The following GLB1 variants were observed in gnomAD, a reference collection of about 807,000 sequenced individuals.
GLB1 encodes the protein galactosidase beta 1.
In GLB1, 56 loss-of-function variants were observed where a neutral mutation model predicts 74.0. The ratio of observed to expected loss-of-function variants is 0.76; its 90% CI spans 0.61 to 0.94. GLB1 has a LOEUF of 0.94. Ranked by LOEUF, GLB1 falls within the 40% of genes least tolerant of loss-of-function variation. The pLI is 0.00. For synonymous variants in GLB1, 323 were observed against 323.6 expected (o/e 1.00, Z 0.02); for missense variants, 787 against 845.5 (o/e 0.93, Z 0.86).
chr3:33,072,224 G>A (rs1344081587), intron 2 of GLB1, among the ~76,000 whole-genome samples: 1 of 152,056 alleles, frequency 6.6e-6, no homozygotes, highest in African/African-American at 2.4e-5. Context: ...TACCTATCTC[G>A]AGGAAATGGA....
chr3:33,050,291 C>G (rs1698921078), intron 9 of GLB1, among the ~76,000 whole-genome samples: 1 of 152,186 alleles, frequency 6.6e-6, no homozygotes, highest in African/African-American at 2.4e-5. Flanking sequence ...CGTTCCACTT[C>G]TTGGTATACA....
intron 1 of GLB1, chr3:33,077,402 A>G: frequency 9.4e-7 from 1 of 1,068,696 alleles, no homozygotes; most frequent in Admixed American, 1.8e-5. Context: ...CAGGCAACCA[A>G]TCAATGAAAG....
intron 15 of GLB1, among the ~76,000 whole-genome samples, chr3:33,003,731 A>C (rs1696672749): frequency 6.6e-6 from 1 of 152,230 alleles, no homozygotes; most frequent in Admixed American, 6.5e-5. Context: ...GGGTCCCTCT[A>C]TCAAGAAGTA....
At chr3:33,021,393 C>T (rs1697474187) in intron 12 of GLB1, 173 bp downstream of exon 12, 1 of 749,648 alleles carries the variant, frequency 1.3e-6, no homozygotes, top group Non-Finnish European at 2.2e-6. Flanking sequence ...ATCAGCCCAC[C>T]ACGCAGCACT....
Position 33,093,800 on chromosome 3 carries a change from G to A in GLB1, c.75+3211C>T. ...CCTGCTCCATGCCGCTGAGGATGAA[G>A]AGGAAGAAGAGCATGATGATGTAAG... On this transcript the variant is annotated intron_variant, in intron 1 of 15. Transcript: ENST00000307363. This position sits in a 1 kb window ranked among gnomAD's most constrained non-coding sequence, Gnocchi z 6.0. 16 of 1,613,594 alleles carry A rather than the reference G, an allele frequency of 9.9e-6. No individual in the cohort carries two copies. The highest frequency in any genetic ancestry group is 1.4e-5 in the Non-Finnish European group (16 of 1,179,742).
At chr3:32,975,225 G>A in the GLB1 span, among the ~76,000 whole-genome samples, 1 of 152,012 alleles carries the variant, frequency 6.6e-6, no homozygotes, top group African/African-American at 2.4e-5. Context: ...GAGACTACAG[G>A]CATACACTAC....
At chr3:32,985,306 T>C in the GLB1 span, among the ~76,000 whole-genome samples, 18 of 152,126 alleles carry the variant, frequency 1.2e-4, no homozygotes, top group Admixed American at 3.9e-4. Context: ...ATTATTATTT[T>C]TTGAGATGGA....
At chr3:33,091,786 C>T (rs1325447319) in intron 1 of GLB1, 11 of 985,318 alleles carry the variant, frequency 1.1e-5, no homozygotes, top group Non-Finnish European at 1.3e-5. Context: ...GAAGACTTTC[C>T]ATCACAAGCC....
chr3:33,094,306 GC>G (rs1263078988), intron 1 of GLB1: 32 of 1,489,502 alleles, frequency 2.1e-5, no homozygotes. Context: ...AACTCCGCCT[GC>G]AACCAGGAAC....
At chr3:33,068,075 C>A (rs1337571379) in intron 4 of GLB1, among the ~76,000 whole-genome samples, 155 bp downstream of exon 4, 1 of 152,042 alleles carries the variant, frequency 6.6e-6, no homozygotes, top group South Asian at 2.1e-4. Flanking sequence ...TTAGTAGGGG[C>A]GAGGTTTTGC....
At chr3:33,096,666 C>G (rs1156486958) in intron 1 of GLB1, 1 of 1,129,988 alleles carries the variant, frequency 8.8e-7, no homozygotes, top group African/African-American at 1.7e-5. Context: ...CTCTAACCCG[C>G]GCAACTTGGA....
In GLB1 at chr3:33,080,156, T is replaced by A. The variant is rs558822732; in HGVS notation, c.76-7443A>T. 5.4e-3 allele frequency among the ~76,000 whole-genome samples: 819 copies of A among 151,678 alleles called. 2 individuals are homozygous for A. The highest frequency in any genetic ancestry group is 0.01 in the Non-Finnish European group (686 of 67,910). ...TTCACTCTTGTGGCCCAGGCTGGAG[T>A]GCAATGGCACAGTCTCAGCTCACTG... On this transcript the variant is annotated intron_variant, in intron 1 of 15. Coordinates refer to ENST00000307363, the MANE Select transcript of GLB1 (RefSeq NM_000404.4).
rs766561999 is a variant in GLB1, at chr3:33,001,085, T to G, written c.1735-3741A>C. Among the ~76,000 whole-genome samples, 48 of 151,448 alleles carry G rather than the reference T, an allele frequency of 3.2e-4. 2 individuals carry two copies. Among genetic ancestry groups the G allele is most frequent in the Admixed American group, 2.8e-3 (43 of 15,192 alleles). On this transcript the variant is annotated intron_variant, in intron 15 of 15. Transcript: ENST00000307363. ...TCCTTGTGTCTGCCGCACTCCCCCTTGCTCACTCCACTCTCCACTACTTCT... is the reference window on the plus strand; with the variant it reads ...TCCTTGTGTCTGCCGCACTCCCCCTGGCTCACTCCACTCTCCACTACTTCT...
chr3:33,012,859 G>A (rs756234419), intron 15 of GLB1, among the ~76,000 whole-genome samples: 32 of 152,214 alleles, frequency 2.1e-4, no homozygotes, highest in Middle Eastern at 3.4e-3. Context: ...TCAAATAGTT[G>A]ATGTCATCTC....
chr3:33,021,535 A>G (rs1697483726), intron 12 of GLB1, 31 bp downstream of exon 12: 1 of 1,607,934 alleles, frequency 6.2e-7, no homozygotes, highest in Admixed American at 1.7e-5. Context: ...GCAAGTAGAA[A>G]AAAGGCGAGG....
downstream of GLB1, among the ~76,000 whole-genome samples, chr3:32,993,522 A>ATT (rs746774682): frequency 0.1 from 6,406 of 62,350 alleles, 1,448 homozygotes; most frequent in South Asian, 0.16. Flanking sequence ...CATCCAGCTA[A>ATT]TTTTTTTTTT....
At chr3:32,967,423 C>G in the GLB1 span, among the ~76,000 whole-genome samples, 3 of 152,256 alleles carry the variant, frequency 2.0e-5, no homozygotes, top group South Asian at 4.1e-4. Context: ...AAAAATTAGT[C>G]AGGCATGGTG....
chr3:33,081,121 C>T (rs1324525733), intron 1 of GLB1, among the ~76,000 whole-genome samples: 1 of 152,154 alleles, frequency 6.6e-6, no homozygotes, highest in Non-Finnish European at 1.5e-5. Flanking sequence ...GATTTGGAAG[C>T]TTTGAAGACA....
chr3:33,033,265 G>A (rs1476541961), intron 10 of GLB1, among the ~76,000 whole-genome samples: 3 of 152,184 alleles, frequency 2.0e-5, no homozygotes, highest in African/African-American at 4.8e-5. Context: ...AAAAATTATA[G>A]CTCATATATG....
Sources: gnomAD v4.1 joint callset for allele counts (sites outside exome capture counted in the v4.1 genomes callset) on GRCh38, gnomAD v4.1.1 for gene constraint, Gnocchi (gnomAD v3.1) non-coding constraint, MANE v1.5 for transcripts, NCBI Gene and HGNC (gene_info 2026-07-23, HGNC 2026-07-21) for gene names.